ONECUT2: variants seen among roughly 807,000 people sequenced by gnomAD.
ONECUT2 encodes the protein one cut domain family member 2.
A neutral mutation model predicts 27.9 loss-of-function variants in ONECUT2; 10 were observed. That is an observed-to-expected ratio of 0.36 (90% confidence interval 0.22 to 0.61). ONECUT2 has a LOEUF of 0.61. Among genes scored for constraint, ONECUT2 ranks in the 20% least tolerant of loss-of-function variants. ONECUT2 has a pLI of 0.73. For synonymous variants in ONECUT2, 334 were observed against 315.1 expected (o/e 1.06, Z -0.64); for missense variants, 686 against 721.0 (o/e 0.95, Z 0.56).
At chr18:57,452,731 T>A (rs1202727450) in intron 1 of ONECUT2, among the ~76,000 whole-genome samples, 1 of 152,252 alleles carries the variant, frequency 6.6e-6, no homozygotes, top group Non-Finnish European at 1.5e-5. Context: ...GGCCTCAACC[T>A]GTATTGTAAA....
At chr18:57,439,716 G>A (rs754734961) in intron 1 of ONECUT2, among the ~76,000 whole-genome samples, 2 of 152,224 alleles carry the variant, frequency 1.3e-5, no homozygotes, top group Non-Finnish European at 2.9e-5. Flanking sequence ...GGGCCCCGGG[G>A]GTTTAACAAG....
chr18:57,451,593 G>A (rs943161775), intron 1 of ONECUT2, among the ~76,000 whole-genome samples: 3 of 152,266 alleles, frequency 2.0e-5, no homozygotes, highest in Admixed American at 1.3e-4. Flanking sequence ...AGTCCATATC[G>A]CTAGCCCCAC....
At chr18:57,450,940 G>GA (rs2050226757) in intron 1 of ONECUT2, among the ~76,000 whole-genome samples, 1 of 152,164 alleles carries the variant, frequency 6.6e-6, no homozygotes, top group Admixed American at 6.5e-5. Flanking sequence ...AGTTGGGAGT[G>GA]AAAATATATG....
intron 1 of ONECUT2, among the ~76,000 whole-genome samples, chr18:57,459,701 G>C (rs1216571458): frequency 1.3e-5 from 2 of 152,112 alleles, no homozygotes; most frequent in South Asian, 4.1e-4. Flanking sequence ...TGGGATTACA[G>C]GTGCTCTCCA....
chr18:57,449,296 T>C (rs1399289963), intron 1 of ONECUT2, among the ~76,000 whole-genome samples: 1 of 152,220 alleles, frequency 6.6e-6, no homozygotes, highest in Non-Finnish European at 1.5e-5. Context: ...AGATACAGCA[T>C]ACAGGAGGCA....
rs201145007 is a variant in ONECUT2, at chr18:57,482,264, A to T, written c.*5541A>T. 6.6e-6 allele frequency: 1 copy of T among 151,092 alleles called. No individual in the cohort carries two copies. Among genetic ancestry groups the T allele is most frequent in the African/African-American group, 2.4e-5 (1 of 41,118 alleles). The allele number at this position is 151,092 out of a possible 1,614,324, so 9.4% of individuals were successfully genotyped here. A position where few individuals can be genotyped will look rare whatever the true frequency, so the allele number is the denominator to read the frequency against. Reference sequence around the variant, plus strand: ...CGGGGAGGGAAAGAGGGGAGGGTTTATCTGTTTTAGAAAGTCTCAGAATAC... The same window carrying T: ...CGGGGAGGGAAAGAGGGGAGGGTTTTTCTGTTTTAGAAAGTCTCAGAATAC... On this transcript the variant is annotated 3_prime_UTR_variant, in exon 2 of 2. Transcript: ENST00000491143.
chr18:57,452,708 C>A (rs187393001), intron 1 of ONECUT2, among the ~76,000 whole-genome samples: 1 of 152,276 alleles, frequency 6.6e-6, no homozygotes, highest in East Asian at 1.9e-4. Context: ...TACAGGCGTG[C>A]GCCACCACGC....
intron 1 of ONECUT2, among the ~76,000 whole-genome samples, chr18:57,462,876 C>T (rs1478778352): frequency 1.3e-5 from 2 of 151,740 alleles, no homozygotes; most frequent in African/African-American, 2.4e-5. Context: ...GGACAACAGG[C>T]ATCTGCCACC....
At chr18:57,476,411 CT>C (rs1454452330) in intron 1 of ONECUT2, 25 bp from the exon 2 acceptor site, 8 of 1,608,268 alleles carry the variant, frequency 5.0e-6, no homozygotes, top group Non-Finnish European at 6.0e-6. Context: ...CCACTGACTC[CT>C]CTCCTTCTTC....
At position 57,435,836 on chromosome 18, in the gene ONECUT2, T is replaced by TGGCGGG. The variant is rs1555672981; in HGVS notation, c.126_131dup (p.Gly53_Gly54dup). 8.6e-6 allele frequency: 9 copies of TGGCGGG among 1,045,674 alleles called. No homozygotes were observed. Among genetic ancestry groups the TGGCGGG allele is most frequent in the African/African-American group, 7.1e-5 (4 of 56,308 alleles). The allele number at this position is 1,045,674 out of a possible 1,614,324, so 64.8% of individuals were successfully genotyped here. ...TGCACGGGCCGGCCGGCGGCGGCAG[T>TGGCGGG]GGCGGGGGCGGCGGCGGGGGCGGCG... On this transcript the variant is annotated inframe_insertion, in exon 1 of 2. Coordinates refer to ENST00000491143, the MANE Select transcript of ONECUT2 (RefSeq NM_004852.3).
chr18:57,475,470 G>T (rs1449479828), intron 1 of ONECUT2, among the ~76,000 whole-genome samples: 1 of 151,938 alleles, frequency 6.6e-6, no homozygotes, highest in Non-Finnish European at 1.5e-5. Flanking sequence ...GAAGTGTACA[G>T]ATTCCCTGAA....
intron 1 of ONECUT2, among the ~76,000 whole-genome samples, chr18:57,466,873 ATGTT>A (rs35595768): frequency 0.11 from 17,270 of 152,256 alleles, 1,041 homozygotes; most frequent in Middle Eastern, 0.2. Context: ...GAGGCTACTC[ATGTT>A]TGTTAGAGCC....
At chr18:57,449,624 T>G (rs2050219139) in intron 1 of ONECUT2, among the ~76,000 whole-genome samples, 1 of 152,184 alleles carries the variant, frequency 6.6e-6, no homozygotes, top group Non-Finnish European at 1.5e-5. Context: ...TAAGGACCCA[T>G]TTTGCCAATT....
At position 57,482,329 on chromosome 18, in the gene ONECUT2, T is replaced by C. The variant is rs1364829236; in HGVS notation, c.*5606T>C. 1 of 152,142 alleles carries C rather than the reference T, an allele frequency of 6.6e-6. No individual in the cohort carries two copies. Among genetic ancestry groups the C allele is most frequent in the Non-Finnish European group, 1.5e-5 (1 of 68,020 alleles). The allele number at this position is 152,142 out of a possible 1,614,324, so 9.4% of individuals were successfully genotyped here. ...AGTAGTTATTAAAATATATAGGACC[T>C]CACATAGGTAGATACAGAACTTACC... On this transcript the variant is annotated 3_prime_UTR_variant, in exon 2 of 2. Transcript: ENST00000491143.
At chr18:57,442,439 G>C (rs1343138926) in intron 1 of ONECUT2, among the ~76,000 whole-genome samples, 1 of 152,108 alleles carries the variant, frequency 6.6e-6, no homozygotes, top group East Asian at 1.9e-4. Context: ...GCAGAGGGTA[G>C]GCTGGTGTTT....
chr18:57,450,687 T>C (rs937606164), intron 1 of ONECUT2, among the ~76,000 whole-genome samples: 5 of 152,232 alleles, frequency 3.3e-5, no homozygotes, highest in Admixed American at 2.0e-4. Flanking sequence ...CCAGCAATTA[T>C]ATCAGCAAAT....
At position 57,436,540 on chromosome 18, in the gene ONECUT2, A is replaced by C. The variant is rs769966297; in HGVS notation, c.824A>C (p.Gln275Pro). ...ACTGCCATGCTGACCCGCGGTGAGC[A>C]ACACCTGTCCCGCGGCCTGGGCACC... ...HHTAMLTRGE[Q>P]HLSRGLGTPP... Residue 275 changes from glutamine to proline, a missense_variant, in exon 1 of 2, where the codon CAA becomes CCA. Transcript: ENST00000491143. This position sits in a 1 kb window ranked among gnomAD's most constrained non-coding sequence, Gnocchi z 5.9. 1 of 1,612,484 alleles carries C rather than the reference A, an allele frequency of 6.2e-7. No individual in the cohort carries two copies. Among genetic ancestry groups the C allele is most frequent in the Non-Finnish European group, 8.5e-7 (1 of 1,179,890 alleles).
In ONECUT2 at chr18:57,479,235, G is replaced by A. The variant is rs2050402715; in HGVS notation, c.*2512G>A. ...CATGTGATTGCTACATCCTAACAGG[G>A]CTTCATTTGGGGGTGGGGGGAAACA... On this transcript the variant is annotated 3_prime_UTR_variant, in exon 2 of 2. Coordinates refer to ENST00000491143, the MANE Select transcript of ONECUT2 (RefSeq NM_004852.3). 6.6e-6 allele frequency: 1 copy of A among 152,394 alleles called. No homozygotes were observed. Among genetic ancestry groups the A allele is most frequent in the Admixed American group, 6.6e-5 (1 of 15,240 alleles). 9.4% of individuals were successfully genotyped at this position (152,394 alleles called of 1,614,324 possible). A position where few individuals can be genotyped will look rare whatever the true frequency, so the allele number is the denominator to read the frequency against.
chr18:57,455,952 G>T (rs1361893537), intron 1 of ONECUT2, among the ~76,000 whole-genome samples: 2 of 152,212 alleles, frequency 1.3e-5, no homozygotes, highest in Non-Finnish European at 2.9e-5. Flanking sequence ...CAGACTTGTG[G>T]CCAGGCACTG....
Sources: gnomAD v4.1 joint callset for allele counts (sites outside exome capture counted in the v4.1 genomes callset) on GRCh38, gnomAD v4.1.1 for gene constraint, Gnocchi (gnomAD v3.1) non-coding constraint, MANE v1.5 for transcripts, NCBI Gene and HGNC (gene_info 2026-07-23, HGNC 2026-07-21) for gene names.